Variants in SGCZ observed in about 807,000 individuals in gnomAD.
The protein encoded by SGCZ is sarcoglycan zeta, also known as zeta-sarcoglycan.
Under a neutral mutation model 41.3 loss-of-function variants are expected in SGCZ, and 40 were observed. That is an observed-to-expected ratio of 0.97 (90% CI 0.75 to 1.26). The LOEUF is 1.26. SGCZ is among the 50% of genes most tolerant of loss of function. The pLI, the probability that SGCZ is intolerant of heterozygous loss-of-function variation, is 0.00. For synonymous variants in SGCZ, 206 were observed against 137.5 expected, an observed-to-expected ratio of 1.50 and a Z score of -3.49; for missense variants, 552 against 369.8, an observed-to-expected ratio of 1.49 and a Z score of -4.04.
intron 1 of SGCZ, among the ~76,000 whole-genome samples, chr8:14,863,325 T>C (rs536190878): frequency 4.5e-4 from 69 of 152,200 alleles, no homozygotes; most frequent in African/African-American, 1.6e-3. Context: ...TTAATTACTA[T>C]TATTATTACT....
intron 1 of SGCZ, among the ~76,000 whole-genome samples, chr8:15,167,999 C>A (rs1333312818): frequency 2.0e-5 from 3 of 152,208 alleles, no homozygotes; most frequent in Non-Finnish European, 4.4e-5. Flanking sequence ...CAAAGCCAAG[C>A]ACAATAACAC....
At chr8:14,121,196 T>TTC (rs1306483025) in intron 5 of SGCZ, among the ~76,000 whole-genome samples, 2 of 151,998 alleles carry the variant, frequency 1.3e-5, no homozygotes, top group African/African-American at 4.8e-5. Context: ...AGTATTAACA[T>TTC]ATATTCAACA....
intron 1 of SGCZ, among the ~76,000 whole-genome samples, chr8:14,813,368 C>G (rs2034005): frequency 0.67 from 102,289 of 152,032 alleles, 35,757 homozygotes; most frequent in African/African-American, 0.86. Flanking sequence ...AGAGATGAAA[C>G]AAAACAGACA....
chr8:14,476,375 C>T (rs73525365), intron 2 of SGCZ, among the ~76,000 whole-genome samples: 2,577 of 152,054 alleles, frequency 0.017, 89 homozygotes, highest in African/African-American at 0.059. Flanking sequence ...TGAGCTGATT[C>T]CCATCATAAA....
intron 1 of SGCZ, among the ~76,000 whole-genome samples, chr8:14,968,453 A>G (rs776307553): frequency 3.9e-5 from 6 of 152,116 alleles, no homozygotes; most frequent in Admixed American, 1.3e-4. Context: ...CTTTGTTAAC[A>G]TTTTATTCAA....
intron 2 of SGCZ, among the ~76,000 whole-genome samples, chr8:14,448,064 T>C (rs1800484234): frequency 6.6e-6 from 1 of 152,174 alleles, no homozygotes; most frequent in South Asian, 2.1e-4. Flanking sequence ...ATGTGTATTC[T>C]AAATGAAAAT....
chr8:14,154,267 G>A (rs1803809068), intron 5 of SGCZ, among the ~76,000 whole-genome samples: 1 of 152,126 alleles, frequency 6.6e-6, no homozygotes, highest in Admixed American at 6.5e-5. Flanking sequence ...CTAGCAGGAG[G>A]CTGAGGCAGG....
intron 1 of SGCZ, among the ~76,000 whole-genome samples, chr8:14,561,512 T>C (rs1804207291): frequency 6.6e-6 from 1 of 152,176 alleles, no homozygotes; most frequent in East Asian, 1.9e-4. Context: ...GTTACAATTA[T>C]CTTGGTTTTC....
intron 1 of SGCZ, among the ~76,000 whole-genome samples, chr8:14,692,952 A>C (rs1808845545): frequency 6.6e-6 from 1 of 152,172 alleles, no homozygotes; most frequent in Non-Finnish European, 1.5e-5. Context: ...TTTCACCCAA[A>C]AGTGGCCATG....
chr8:14,234,351 C>A (rs191913220), intron 4 of SGCZ, among the ~76,000 whole-genome samples: 5 of 151,856 alleles, frequency 3.3e-5, no homozygotes, highest in Non-Finnish European at 7.4e-5. Context: ...GCTAGGCTTA[C>A]AGAGAAAGAA....
At chr8:14,372,060 G>C (rs1738503946) in intron 2 of SGCZ, among the ~76,000 whole-genome samples, 1 of 151,994 alleles carries the variant, frequency 6.6e-6, no homozygotes, top group Non-Finnish European at 1.5e-5. Context: ...GAATAAACTA[G>C]AGAAAATTAA....
At chr8:14,219,472 G>A (rs547518834) in intron 4 of SGCZ, among the ~76,000 whole-genome samples, 2 of 152,316 alleles carry the variant, frequency 1.3e-5, no homozygotes, top group Non-Finnish European at 2.9e-5. Flanking sequence ...ATGAGAACTG[G>A]GCACAGTGGC....
chr8:14,832,760 G>C (rs886774063), intron 1 of SGCZ, among the ~76,000 whole-genome samples: 1 of 151,946 alleles, frequency 6.6e-6, no homozygotes, highest in East Asian at 1.9e-4. Context: ...TGAATATTAG[G>C]CTCAATAAAA....
intron 3 of SGCZ, among the ~76,000 whole-genome samples, chr8:14,238,116 T>G (rs1035951069): frequency 1.3e-5 from 2 of 152,246 alleles, no homozygotes; most frequent in Non-Finnish European, 2.9e-5. Context: ...TCAGTGTAAC[T>G]ACAGAGTCTT....
intron 3 of SGCZ, among the ~76,000 whole-genome samples, chr8:14,261,994 C>G (rs966363648): frequency 6.6e-6 from 1 of 152,132 alleles, no homozygotes; most frequent in Non-Finnish European, 1.5e-5. Flanking sequence ...ATTTGACCAA[C>G]TCCTACTCTA....
At chr8:14,422,891 G>A (rs1189052654) in intron 2 of SGCZ, among the ~76,000 whole-genome samples, 1 of 151,994 alleles carries the variant, frequency 6.6e-6, no homozygotes, top group Non-Finnish European at 1.5e-5. Flanking sequence ...AGCCAGGCAT[G>A]GTGATGCACA....
chr8:14,970,716 C>G (rs1419058071), intron 1 of SGCZ, among the ~76,000 whole-genome samples: 1 of 152,068 alleles, frequency 6.6e-6, no homozygotes, highest in South Asian at 2.1e-4. Context: ...CTTTATGAGT[C>G]TTGATATCAG....
At chr8:15,208,240 C>T (rs934695749) in intron 1 of SGCZ, among the ~76,000 whole-genome samples, 4 of 152,102 alleles carry the variant, frequency 2.6e-5, no homozygotes, top group African/African-American at 7.2e-5. Context: ...AAGCATTCAT[C>T]AGAACCAGGC....
rs575211415 is a variant in SGCZ at position 15,231,749 on chromosome 8, G to C, written c.39+5836C>G. ...CAATTCTCTCGCCTCAACCTCCCGA[G>C]TAGCTGGGAGTACAGAAGCACACCA... is the stretch of plus-strand genomic sequence containing the variant. On this transcript the variant is annotated intron_variant, in intron 1 of 7. Transcript: ENST00000382080. Among the ~76,000 whole-genome samples the C allele has an allele frequency of 4.0e-5, 6 of 150,686 alleles. No individual in the cohort carries two copies. The South Asian group carries it at 8.4e-4, about 21-fold the overall frequency.
Sources: gnomAD v4.1 joint callset for allele counts (sites outside exome capture counted in the v4.1 genomes callset) on GRCh38, gnomAD v4.1.1 for gene constraint, MANE v1.5 for transcripts, NCBI Gene and HGNC (gene_info 2026-07-23, HGNC 2026-07-21) for gene names.